The following INPP5F variants were observed in gnomAD, a reference collection of about 807,000 sequenced individuals.
INPP5F encodes the protein phosphatidylinositide 4-phosphatase SAC2.
In INPP5F, 97 loss-of-function variants were observed where a neutral mutation model predicts 137.2. The ratio of observed to expected loss-of-function variants is 0.71; its 90% CI spans 0.60 to 0.84. The LOEUF is 0.84. Among genes scored for constraint, INPP5F ranks in the 40% least tolerant of loss-of-function variants. The pLI, the probability that INPP5F is intolerant of heterozygous loss-of-function variation, is 0.00. For synonymous variants in INPP5F, 504 were observed against 476.9 expected, an observed-to-expected ratio of 1.06 and a Z score of -0.74; for missense variants, 1,271 against 1,371.9, an observed-to-expected ratio of 0.93 and a Z score of 1.16.
intron 12 of INPP5F, among the ~76,000 whole-genome samples, chr10:119,806,866 G>C (rs1850813801): frequency 6.6e-6 from 1 of 151,640 alleles, no homozygotes; most frequent in South Asian, 2.1e-4. Flanking sequence ...GTTGGGGAGG[G>C]AGCTGCTGAC....
chr10:119,769,761 G>A lies in INPP5F; in HGVS notation c.179-11874G>A, dbSNP rs540164242. On this transcript the variant is annotated intron_variant, in intron 2 of 19. Coordinates refer to ENST00000650623, the MANE Select transcript of INPP5F (RefSeq NM_014937.4). ...AAACCATCAGCCTCCCAGTTCTCAG[G>A]CCTTCGGACTTGGACTGGGACTTTT... Among the ~76,000 whole-genome samples the A allele has an allele frequency of 6.6e-5, 10 of 152,258 alleles. No individual in the cohort carries two copies. In the East Asian group the frequency reaches 1.7e-3, roughly 26 times the overall value.
intron 15 of INPP5F, chr10:119,819,351 C>CCA: frequency 8.1e-7 from 1 of 1,234,400 alleles, no homozygotes; most frequent in Non-Finnish European, 1.0e-6. Flanking sequence ...CTGTTACGTG[C>CCA]CAAGTGCTTT....
Position 119,796,019 on chromosome 10 carries a change from A to G in INPP5F, c.670-696A>G, listed in dbSNP as rs866706816. ...GGCAGGGAGGTTGCAGTGAGCCGAG[A>G]TGGCAGCAGTACCGTCCAGCTTCGG... is the stretch of plus-strand genomic sequence containing the variant. On this transcript the variant is annotated intron_variant, in intron 6 of 19. Coordinates refer to ENST00000650623, the MANE Select transcript of INPP5F (RefSeq NM_014937.4). Among the ~76,000 whole-genome samples the G allele has an allele frequency of 1.3e-4, 17 of 131,848 alleles. No individual in the cohort carries two copies. In the South Asian group the frequency reaches 2.8e-3, roughly 21 times the overall value. 86.5% of individuals were successfully genotyped at this position (131,848 alleles called of 152,430 possible).
chr10:119,753,612 C>A (rs190374171), intron 2 of INPP5F, among the ~76,000 whole-genome samples: 7 of 152,224 alleles, frequency 4.6e-5, no homozygotes, highest in African/African-American at 1.4e-4. Flanking sequence ...CCTGGATAAC[C>A]TGGACGTCCT....
chr10:119,756,333 C>G (rs1175171076), intron 2 of INPP5F, among the ~76,000 whole-genome samples: 1 of 151,968 alleles, frequency 6.6e-6, no homozygotes, highest in African/African-American at 2.4e-5. Context: ...TTTGCTGAAA[C>G]TGTAATAAGA....
chr10:119,800,018 T>C (rs1259104542), intron 9 of INPP5F, among the ~76,000 whole-genome samples: 1 of 151,830 alleles, frequency 6.6e-6, no homozygotes, highest in Non-Finnish European at 1.5e-5. Flanking sequence ...AATTCGTTTT[T>C]ATTAAAACTT....
At chr10:119,817,643 T>G (rs933971271) in intron 15 of INPP5F, among the ~76,000 whole-genome samples, 1 of 152,186 alleles carries the variant, frequency 6.6e-6, no homozygotes, top group African/African-American at 2.4e-5. Flanking sequence ...GTGTCTTAGT[T>G]GGAAAAACAT....
intron 3 of INPP5F, among the ~76,000 whole-genome samples, chr10:119,784,028 C>A (rs1349064897): frequency 6.6e-6 from 1 of 151,998 alleles, no homozygotes; most frequent in Non-Finnish European, 1.5e-5. Context: ...CCTTTTAATC[C>A]TGTTTTATGG....
At chr10:119,805,326 T>C in intron 10 of INPP5F, 58 bp from the exon 11 acceptor site, 1 of 1,394,660 alleles carries the variant, frequency 7.2e-7, no homozygotes, top group Non-Finnish European at 1.0e-6. Context: ...TATCTTAAGT[T>C]TTAAAAAAAT....
intron 16 of INPP5F, 69 bp from the exon 17 acceptor site, chr10:119,822,362 T>C (rs1851601200): frequency 4.0e-6 from 3 of 746,492 alleles, no homozygotes; most frequent in Non-Finnish European, 6.6e-6. Context: ...GCAGCTATTA[T>C]GCCTTCCCTG....
intron 11 of INPP5F, 26 bp downstream of exon 11, chr10:119,805,487 T>C (rs1468730839): frequency 6.9e-7 from 1 of 1,449,968 alleles, no homozygotes; most frequent in South Asian, 1.1e-5. Flanking sequence ...GAACTCCTTT[T>C]TACAGACTCT....
chr10:119,761,185 C>T (rs1168675897), intron 2 of INPP5F, among the ~76,000 whole-genome samples: 2 of 152,130 alleles, frequency 1.3e-5, no homozygotes, highest in Non-Finnish European at 2.9e-5. Flanking sequence ...GCAGAATATA[C>T]TTCTAATTGC....
chr10:119,738,680 T>C, intron 1 of INPP5F, among the ~76,000 whole-genome samples: 1 of 150,182 alleles, frequency 6.7e-6, no homozygotes, highest in East Asian at 2.0e-4. Flanking sequence ...CACACACATT[T>C]TGAAGTGTCA....
chr10:119,752,494 A>C (rs578193075), intron 2 of INPP5F, among the ~76,000 whole-genome samples: 1 of 151,528 alleles, frequency 6.6e-6, no homozygotes, highest in Non-Finnish European at 1.5e-5. Flanking sequence ...CTGAGGCAGG[A>C]GAATCGCTTG....
At chr10:119,803,657 G>A (rs148829530) in intron 9 of INPP5F, among the ~76,000 whole-genome samples, 25 of 152,188 alleles carry the variant, frequency 1.6e-4, no homozygotes, top group African/African-American at 5.5e-4. Flanking sequence ...AACAGATCCT[G>A]ATTGAATTTT....
intron 9 of INPP5F, among the ~76,000 whole-genome samples, chr10:119,799,052 A>G (rs893017073): frequency 2.0e-5 from 3 of 152,138 alleles, no homozygotes; most frequent in African/African-American, 7.2e-5. Context: ...TACCACCTAC[A>G]GTTCAACCTC....
chr10:119,822,232 T>G (rs1040243693), intron 16 of INPP5F, among the ~76,000 whole-genome samples, 199 bp from the exon 17 acceptor site: 3 of 152,182 alleles, frequency 2.0e-5, no homozygotes, highest in African/African-American at 4.8e-5. Flanking sequence ...TTATTTTCCC[T>G]TAGCTGTTGA....
intron 6 of INPP5F, among the ~76,000 whole-genome samples, chr10:119,795,367 G>A (rs1365629879): frequency 2.6e-5 from 4 of 150,956 alleles, no homozygotes; most frequent in Non-Finnish European, 5.9e-5. Flanking sequence ...CAGACGGGGC[G>A]GCTGCCAGGC....
rs560692956 is a variant in INPP5F, at chr10:119,812,784, A to G, written c.1886+829A>G. Among the ~76,000 whole-genome samples, 84 of 152,320 alleles carry G rather than the reference A, an allele frequency of 5.5e-4. 1 individual carries two copies. The highest frequency in any genetic ancestry group is 1.9e-3 in the African/African-American group (79 of 41,586). On this transcript the variant is annotated intron_variant, in intron 15 of 19. Coordinates refer to ENST00000650623, the MANE Select transcript of INPP5F (RefSeq NM_014937.4). Reference sequence around the variant, plus strand: ...TGGATATAATATGTGGACTTTAAAAATAAGAGATGAATTTTCCTCACACAC... The same window carrying G: ...TGGATATAATATGTGGACTTTAAAAGTAAGAGATGAATTTTCCTCACACAC...
Sources: gnomAD v4.1 joint callset for allele counts (sites outside exome capture counted in the v4.1 genomes callset) on GRCh38, gnomAD v4.1.1 for gene constraint, MANE v1.5 for transcripts, NCBI Gene and HGNC (gene_info 2026-07-23, HGNC 2026-07-21) for gene names.